JMJD7: variants seen among roughly 807,000 people sequenced by gnomAD.
JMJD7 encodes jumonji domain containing 7.
A neutral mutation model predicts 41.1 loss-of-function variants in JMJD7; 41 were observed. That is an observed-to-expected ratio of 1.00 (90% confidence interval 0.78 to 1.30). The LOEUF is 1.30. Among genes scored for constraint, JMJD7 ranks in the 50% most tolerant of loss-of-function variants. The pLI is 0.00. For synonymous variants in JMJD7, 202 were observed against 177.2 expected (o/e 1.14, Z -1.11); for missense variants, 480 against 420.7 (o/e 1.14, Z -1.23).
At position 41,835,229 on chromosome 15, in the gene JMJD7, T is replaced by G; in HGVS notation, c.472+6T>G. 6.3e-7 allele frequency: 1 copy of G among 1,596,124 alleles called. No individual in the cohort carries two copies. Among genetic ancestry groups the G allele is most frequent in the Non-Finnish European group, 8.5e-7 (1 of 1,178,686 alleles). ...CTGGGCCTCCGAAGCCCTGGGTGAGTGGAGGTGGGGTGGTCGTGGCCCTGG... is the reference window on the plus strand; with the variant it reads ...CTGGGCCTCCGAAGCCCTGGGTGAGGGGAGGTGGGGTGGTCGTGGCCCTGG... On this transcript the variant is annotated splice_donor_region_variant and intron_variant, in intron 3 of 7. Coordinates refer to ENST00000397299, the MANE Select transcript of JMJD7 (RefSeq NM_001114632.2).
intron 1 of JMJD7, among the ~76,000 whole-genome samples, chr15:41,828,871 G>A (rs1225920257): frequency 6.6e-6 from 1 of 152,076 alleles, no homozygotes; most frequent in Non-Finnish European, 1.5e-5. Flanking sequence ...CTTCTGCACC[G>A]TGTATCTTGG....
chr15:41,833,621 A>T (rs995416617), intron 1 of JMJD7, among the ~76,000 whole-genome samples: 1 of 151,294 alleles, frequency 6.6e-6, no homozygotes, highest in Non-Finnish European at 1.5e-5. Flanking sequence ...GGGTCTCCCT[A>T]CGTTGCCAAG....
At position 41,836,185 on chromosome 15, in the gene JMJD7, C is replaced by T; in HGVS notation, c.567C>T (p.Val189=). 2.5e-6 allele frequency: 4 copies of T among 1,612,428 alleles called. No homozygotes were observed. Among genetic ancestry groups the T allele is most frequent in the Non-Finnish European group, 3.4e-6 (4 of 1,179,142 alleles). Residue 189 remains valine, a synonymous_variant, in exon 5 of 8, where the codon GTC becomes GTT. Coordinates refer to ENST00000397299, the MANE Select transcript of JMJD7 (RefSeq NM_001114632.2). ...KDHYENLYCV[V]SGEKHFLFHP... is the part of the protein sequence containing the mutation. Reference sequence around the variant, plus strand: ...ACTATGAGAACCTCTACTGCGTGGTCTCAGGAGAGAAGCATTTCCTGTTCC... The same window carrying T: ...ACTATGAGAACCTCTACTGCGTGGTTTCAGGAGAGAAGCATTTCCTGTTCC...
At chr15:41,834,278 C>T (rs547802195) in intron 1 of JMJD7, among the ~76,000 whole-genome samples, 2 of 152,248 alleles carry the variant, frequency 1.3e-5, no homozygotes, top group South Asian at 4.1e-4. Flanking sequence ...GAGCACATTC[C>T]TGGTGCTCAG....
At position 41,835,645 on chromosome 15, in the gene JMJD7, G is replaced by C. The variant is rs1050452642; in HGVS notation, c.529+1G>C. ...GGGGAGGCGGCTGCAGTGACTTCTT[G>C]TAGGTGTAAGGGGAATACAAAGGTG... is the stretch of plus-strand genomic sequence containing the variant. On this transcript the variant is annotated splice_donor_variant, in intron 4 of 7. Coordinates refer to ENST00000397299, the MANE Select transcript of JMJD7 (RefSeq NM_001114632.2). LOFTEE classifies it high-confidence loss of function. 1.9e-6 allele frequency: 3 copies of C among 1,613,342 alleles called. No homozygotes were observed. Among genetic ancestry groups the C allele is most frequent in the Non-Finnish European group, 2.5e-6 (3 of 1,179,648 alleles).
At chr15:41,828,260 G>A in intron 1 of JMJD7, 72 bp downstream of exon 1, 1 of 1,445,308 alleles carries the variant, frequency 6.9e-7, no homozygotes, top group Non-Finnish European at 9.0e-7. Context: ...CTGACACCGG[G>A]GGCTCGGAAC....
intron 1 of JMJD7, among the ~76,000 whole-genome samples, chr15:41,831,191 G>C (rs550806350): frequency 6.6e-6 from 1 of 152,196 alleles, no homozygotes; most frequent in Non-Finnish European, 1.5e-5. Flanking sequence ...ACGATGGGAC[G>C]ACCAGCTGCG....
Position 41,835,043 on chromosome 15 carries a change from C to A in JMJD7, c.292C>A (p.Arg98Ser). The A allele has an allele frequency of 6.2e-7, 1 of 1,613,950 alleles. No homozygotes were observed. Among genetic ancestry groups the A allele is most frequent in the Non-Finnish European group, 8.5e-7 (1 of 1,180,044 alleles). The change falls in exon 3 of 8, where the codon CGC becomes AGC. Residue 98 changes from arginine (R) to serine (S), a missense_variant. Coordinates refer to ENST00000397299, the MANE Select transcript of JMJD7 (RefSeq NM_001114632.2). ...TTACGCGGATGCCGTGAGAGGGGAT[C>A]GCTTCATGATGCCAGCTGAGCGCCG... ...DGYADAVRGDRFMMPAERRLP... is the reference protein window; with the variant it reads ...DGYADAVRGDSFMMPAERRLP...
intron 1 of JMJD7, among the ~76,000 whole-genome samples, chr15:41,831,508 G>T (rs557501672): frequency 5.9e-5 from 9 of 152,314 alleles, no homozygotes; most frequent in Non-Finnish European, 8.8e-5. Context: ...GGAAACCACG[G>T]CCTTTTGGCT....
At chr15:41,831,224 G>T (rs1350266045) in intron 1 of JMJD7, among the ~76,000 whole-genome samples, 1 of 152,202 alleles carries the variant, frequency 6.6e-6, no homozygotes, top group Non-Finnish European at 1.5e-5. Context: ...CCTCTCTGCT[G>T]AGAGCTGGAG....
rs554677876 is a variant in JMJD7 at position 41,837,407 on chromosome 15, C to T, written c.*251C>T. Reference sequence around the variant, plus strand: ...GAGTGGGGATCAGGTGCAGCGGCACCTCTCCCCAGCGCTGTGATGTTGGGC... The same window carrying T: ...GAGTGGGGATCAGGTGCAGCGGCACTTCTCCCCAGCGCTGTGATGTTGGGC... On this transcript the variant is annotated 3_prime_UTR_variant, in exon 8 of 8. Coordinates refer to ENST00000397299, the MANE Select transcript of JMJD7 (RefSeq NM_001114632.2). 1.8e-5 allele frequency: 10 copies of T among 546,084 alleles called. No individual in the cohort carries two copies. The African/African-American group carries it at 1.9e-4, about 10-fold the overall frequency. 33.8% of individuals were successfully genotyped at this position (546,084 alleles called of 1,614,324 possible).
At chr15:41,828,645 C>T (rs1374865148) in intron 1 of JMJD7, 1 of 157,178 alleles carries the variant, frequency 6.4e-6, no homozygotes, top group East Asian at 1.8e-4. Flanking sequence ...TCCCTCCTTC[C>T]TTCTTTTTTC....
At chr15:41,833,358 T>C (rs184197608) in intron 1 of JMJD7, among the ~76,000 whole-genome samples, 10 of 139,062 alleles carry the variant, frequency 7.2e-5, no homozygotes, top group African/African-American at 2.6e-4. Flanking sequence ...CTAGCAAGGG[T>C]GAAAGAATGA....
Position 41,836,821 on chromosome 15 carries a change from C to G in JMJD7, c.743C>G (p.Ala248Gly), listed in dbSNP as rs760166344. The change falls in exon 7 of 8, where the codon GCA (alanine) becomes GGA (glycine). Residue 248 changes from alanine (A) to glycine (G), a missense_variant. Coordinates refer to ENST00000397299, the MANE Select transcript of JMJD7 (RefSeq NM_001114632.2). ...CTGGACCCCTTGGCGCCAGACCTAG[C>G]ACGGTACCCTAGTTACAGTCAGGCC... ...IPLDPLAPDL[A>G]RYPSYSQAQA... The G allele has an allele frequency of 3.1e-6, 5 of 1,612,572 alleles. No individual in the cohort carries two copies. The South Asian group carries it at 5.5e-5, about 18-fold the overall frequency.
chr15:41,828,103 C>A lies in JMJD7; in HGVS notation c.-22C>A, dbSNP rs368707293. 5.8e-4 allele frequency: 831 copies of A among 1,428,004 alleles called. 4 individuals carry two copies. In the African/African-American group the frequency reaches 0.011, roughly 19 times the overall value. The allele number at this position is 1,428,004 out of a possible 1,614,324, so 88.5% of individuals were successfully genotyped here. ...GCGGGGCGTCGGGGAAAGGCGGGGTCTCGGCCGGCGCTGACGCAGCCATGG... is the reference window on the plus strand; with the variant it reads ...GCGGGGCGTCGGGGAAAGGCGGGGTATCGGCCGGCGCTGACGCAGCCATGG... On this transcript the variant is annotated 5_prime_UTR_variant, in exon 1 of 8. Coordinates refer to ENST00000397299, the MANE Select transcript of JMJD7 (RefSeq NM_001114632.2).
intron 5 of JMJD7, 50 bp downstream of exon 5, chr15:41,836,293 G>A (rs769483249): frequency 3.7e-6 from 6 of 1,608,328 alleles, no homozygotes; most frequent in East Asian, 2.2e-5. Flanking sequence ...TGGCCCAAGG[G>A]GGAGGGAGGC....
intron 1 of JMJD7, among the ~76,000 whole-genome samples, chr15:41,831,982 G>T (rs942214712): frequency 1.9e-4 from 29 of 152,174 alleles, no homozygotes; most frequent in African/African-American, 6.8e-4. Context: ...TCCCAAGCTG[G>T]GGTTCTGACA....
In JMJD7 at chr15:41,828,118, C is replaced by T. The variant is rs555191376; in HGVS notation, c.-7C>T. 2 of 1,451,008 alleles carry T rather than the reference C, an allele frequency of 1.4e-6. No individual in the cohort carries two copies. Among genetic ancestry groups the T allele is most frequent in the East Asian group, 2.8e-5 (1 of 35,788 alleles). 89.9% of individuals were successfully genotyped at this position (1,451,008 alleles called of 1,614,324 possible). ...AAGGCGGGGTCTCGGCCGGCGCTGA[C>T]GCAGCCATGGCGGAGGCGGCTTTGG... is the stretch of plus-strand genomic sequence containing the variant. On this transcript the variant is annotated 5_prime_UTR_variant, in exon 1 of 8. It adds an upstream start codon to the 5' untranslated region. Transcript: ENST00000397299.
rs746943774 is a variant in JMJD7 at position 41,835,203 on chromosome 15, C to T, written c.452C>T (p.Pro151Leu). 5 of 1,599,812 alleles carry T rather than the reference C, an allele frequency of 3.1e-6. No homozygotes were observed. In the African/African-American group the frequency reaches 6.7e-5, roughly 21 times the overall value. ...QLLPDLESHV[P>L]WASEALGKMP... ...CTGCCTGATCTGGAATCCCATGTGC[C>T]CTGGGCCTCCGAAGCCCTGGGTGAG... Residue 151 changes from proline (P) to leucine (L), a missense_variant, in exon 3 of 8, where the codon CCC becomes CTC. Transcript: ENST00000397299.
Sources: allele counts gnomAD v4.1 joint callset (sites outside exome capture counted in the v4.1 genomes callset), GRCh38; gene constraint gnomAD v4.1.1; transcripts MANE v1.5; gene names NCBI Gene and HGNC (gene_info 2026-07-23, HGNC 2026-07-21).